The following UGT1A6 variants were observed in gnomAD, a reference collection of about 807,000 sequenced individuals.
UGT1A6 encodes the protein UDP-glucuronosyltransferase 1A6.
UGT1A6 carries 32 observed loss-of-function variants against 44.4 expected under a neutral mutation model. The observed-to-expected ratio is 0.72, with a 90% CI of 0.54 to 0.97. UGT1A6 has a LOEUF of 0.97. Ranked by LOEUF, UGT1A6 falls within the 50% of genes least tolerant of loss-of-function variation. The probability of loss-of-function intolerance (pLI) is 0.00; values close to 1 mark genes in which losing one functional copy is unlikely to be tolerated. For synonymous variants in UGT1A6, 238 were observed against 248.5 expected, an observed-to-expected ratio of 0.96 and a Z score of 0.40; for missense variants, 685 against 661.9, an observed-to-expected ratio of 1.03 and a Z score of -0.38.
At chr2:233,707,017 G>A (rs2075935738) in intron 1 of UGT1A6, among the ~76,000 whole-genome samples, 1 of 152,116 alleles carries the variant, frequency 6.6e-6, no homozygotes, top group African/African-American at 2.4e-5. Flanking sequence ...AGGATCCATG[G>A]TCAGCCAGCC....
In UGT1A6 at chr2:233,736,924, C is replaced by T. The variant is rs544385943; in HGVS notation, c.862-30110C>T. The stretch of plus-strand genomic sequence containing the variant: ...TCCTCTGGAAGCTTCATACCAGAGG[C>T]GCACCCACCTATATGAGGTGTCTGT... On this transcript the variant is annotated intron_variant, in intron 1 of 4. Coordinates refer to ENST00000305139, the MANE Select transcript of UGT1A6 (RefSeq NM_001072.4). Among the ~76,000 whole-genome samples the T allele has an allele frequency of 2.3e-4, 35 of 152,234 alleles. No homozygotes were observed. The South Asian group carries it at 6.0e-3, about 26-fold the overall frequency.
At chr2:233,747,911 C>A (rs1693810314) in intron 1 of UGT1A6, 1 of 1,613,394 alleles carries the variant, frequency 6.2e-7, no homozygotes, top group Non-Finnish European at 8.5e-7. Flanking sequence ...CTTATGCAAG[C>A]CTTGCCTCTG....
intron 1 of UGT1A6, among the ~76,000 whole-genome samples, chr2:233,724,317 G>A (rs1449472256): frequency 4.8e-4 from 64 of 132,596 alleles, no homozygotes; most frequent in East Asian, 1.3e-3. Flanking sequence ...CCCGGACGGG[G>A]CGGCTGGCCA....
chr2:233,693,417 T>C lies in UGT1A6; in HGVS notation c.413T>C (p.Phe138Ser). The C allele has an allele frequency of 6.2e-7, 1 of 1,614,112 alleles. No homozygotes were observed. Among genetic ancestry groups the C allele is most frequent in the Non-Finnish European group, 8.5e-7 (1 of 1,180,032 alleles). Residue 138 changes from phenylalanine (F) to serine (S), a missense_variant, in exon 1 of 5, where the codon TTC (phenylalanine) becomes TCC (serine). By Grantham distance (155) the Phe-to-Ser change is radical. Transcript: ENST00000305139. Reference sequence around the variant, plus strand: ...CTGCAGGACAGGGACACCCTGAACTTCTTTAAGGAGAGCAAGTTTGATGCT... The same window carrying C: ...CTGCAGGACAGGGACACCCTGAACTCCTTTAAGGAGAGCAAGTTTGATGCT... ...SLLQDRDTLN[F>S]FKESKFDALF...
chr2:233,708,130 C>T (rs1343190051), intron 1 of UGT1A6, among the ~76,000 whole-genome samples: 1 of 152,208 alleles, frequency 6.6e-6, no homozygotes, highest in Non-Finnish European at 1.5e-5. Flanking sequence ...TCACTGTGCT[C>T]CTGTGTGGGA....
intron 1 of UGT1A6, among the ~76,000 whole-genome samples, chr2:233,695,366 C>G (rs184636578): frequency 4.0e-5 from 6 of 151,744 alleles, no homozygotes; most frequent in Non-Finnish European, 2.9e-5. Flanking sequence ...CCTCGTGGTC[C>G]GCCCACCCCA....
chr2:233,693,591 A>C lies in UGT1A6; in HGVS notation c.587A>C (p.Tyr196Ser), dbSNP rs1484230221. 7 of 1,614,114 alleles carry C rather than the reference A, an allele frequency of 4.3e-6. No individual in the cohort carries two copies. The highest frequency in any genetic ancestry group is 5.9e-6 in the Non-Finnish European group (7 of 1,180,040). Residue 196 changes from tyrosine to serine, a missense_variant, in exon 1 of 5, where the codon TAC (tyrosine) becomes TCC (serine). Physicochemically the swap from Tyr to Ser is moderately radical, Grantham distance 144 (BLOSUM62 -2). Coordinates refer to ENST00000305139, the MANE Select transcript of UGT1A6 (RefSeq NM_001072.4). Reference sequence around the variant, plus strand: ...CCTGTGTCCTACATTCCCAGGTGCTACACAAAGTTTTCAGACCACATGACT... The same window carrying C: ...CCTGTGTCCTACATTCCCAGGTGCTCCACAAAGTTTTCAGACCACATGACT... The part of the protein sequence containing the change: ...PDPVSYIPRC[Y>S]TKFSDHMTFS...
intron 1 of UGT1A6, chr2:233,747,962 C>T (rs780665543): frequency 3.7e-6 from 6 of 1,613,470 alleles, no homozygotes; most frequent in Non-Finnish European, 4.2e-6. Context: ...ATCTTCTCAG[C>T]CATGCATCTG....
intron 1 of UGT1A6, among the ~76,000 whole-genome samples, chr2:233,715,537 C>T (rs532391786): frequency 4.5e-4 from 69 of 152,064 alleles, no homozygotes; most frequent in African/African-American, 1.4e-3. Context: ...TTTGGGAGAC[C>T]GAGGGAGGAG....
chr2:233,762,461 T>G (rs1698085001), intron 1 of UGT1A6, among the ~76,000 whole-genome samples: 1 of 152,214 alleles, frequency 6.6e-6, no homozygotes, highest in African/African-American at 2.4e-5. Flanking sequence ...TTACCGATAA[T>G]GTCATGGATA....
intron 1 of UGT1A6, among the ~76,000 whole-genome samples, chr2:233,712,397 G>C (rs1221786443): frequency 2.6e-5 from 4 of 152,200 alleles, no homozygotes. Context: ...ACTTCAGAGA[G>C]AGTCCTCTTT....
chr2:233,760,272 C>A (rs2125981625), intron 1 of UGT1A6: 1 of 1,612,378 alleles, frequency 6.2e-7, no homozygotes, highest in Non-Finnish European at 8.5e-7. Context: ...GAACCTCTGG[C>A]AGGAGCAAAG....
intron 1 of UGT1A6, chr2:233,747,605 A>G: frequency 6.4e-7 from 1 of 1,574,152 alleles, no homozygotes; most frequent in Non-Finnish European, 8.7e-7. Context: ...GTGTGGAGCT[A>G]CTGCATAATG....
chr2:233,751,466 T>C (rs1694736440), intron 1 of UGT1A6, among the ~76,000 whole-genome samples: 1 of 152,134 alleles, frequency 6.6e-6, no homozygotes. Context: ...GAAGGCACGA[T>C]TGGTTTTGAA....
At chr2:233,718,642 C>T in intron 1 of UGT1A6, 2 of 1,479,382 alleles carry the variant, frequency 1.4e-6, no homozygotes, top group South Asian at 2.6e-5. Context: ...CAGGGTTGGG[C>T]CCATAACGAA....
In UGT1A6 at chr2:233,693,716, A is replaced by G. The variant is rs758904923; in HGVS notation, c.712A>G (p.Lys238Glu). Residue 238 changes from lysine to glutamate, a missense_variant, in exon 1 of 5, where the codon AAG (lysine) becomes GAG (glutamate). Lys to Glu is a moderately conservative substitution (Grantham distance 56). Transcript: ENST00000305139. ...TGAAGAACTCGCATCAGCTGTCCTC[A>G]AGAGAGATGTGGATATAATCACCTT... Reference protein sequence around the residue: ...KYEELASAVLKRDVDIITLYQ... With the variant: ...KYEELASAVLERDVDIITLYQ... 2 of 1,614,204 alleles carry G rather than the reference A, an allele frequency of 1.2e-6. No individual in the cohort carries two copies. The highest frequency in any genetic ancestry group is 8.5e-7 in the Non-Finnish European group (1 of 1,180,034).
intron 1 of UGT1A6, chr2:233,760,847 C>G: frequency 6.2e-7 from 1 of 1,614,018 alleles, no homozygotes; most frequent in South Asian, 1.1e-5. Context: ...ACCCAGTGCC[C>G]CAACCCATTC....
At chr2:233,757,306 A>T (rs894592007) in intron 1 of UGT1A6, among the ~76,000 whole-genome samples, 3 of 7,676 alleles carry the variant, frequency 3.9e-4, no homozygotes, top group African/African-American at 1.0e-3. Context: ...GTTGGGGGAC[A>T]GGGGGGCTGG....
chr2:233,707,932 T>C (rs1354532365), intron 1 of UGT1A6, among the ~76,000 whole-genome samples: 6 of 152,256 alleles, frequency 3.9e-5, no homozygotes, highest in Non-Finnish European at 1.5e-5. Flanking sequence ...AATATACTTA[T>C]CAGTCATTTG....
Sources: allele counts gnomAD v4.1 joint callset (sites outside exome capture counted in the v4.1 genomes callset), GRCh38; gene constraint gnomAD v4.1.1; transcripts MANE v1.5; gene names NCBI Gene and HGNC (gene_info 2026-07-23, HGNC 2026-07-21).